FRMD4B: variants seen among roughly 807,000 people sequenced by gnomAD.
FRMD4B encodes the protein FERM domain-containing protein 4B.
A neutral mutation model predicts 141.5 loss-of-function variants in FRMD4B; 74 were observed. The ratio of observed to expected loss-of-function variants is 0.52; its 90% CI spans 0.43 to 0.63. The LOEUF is 0.63. Among genes scored for constraint, FRMD4B ranks in the 30% least tolerant of loss-of-function variants. FRMD4B has a pLI of 0.00. For missense variants in FRMD4B, 1,366 were observed against 1,253.4 expected (o/e 1.09, Z -1.36); for synonymous variants, 506 against 467.9 (o/e 1.08, Z -1.05).
At chr3:69,433,683 C>A (rs1439824634) in intron 1 of FRMD4B, among the ~76,000 whole-genome samples, 2 of 152,206 alleles carry the variant, frequency 1.3e-5, no homozygotes, top group African/African-American at 4.8e-5. Context: ...ACTCCATATT[C>A]AAGGAGCTTA....
At chr3:69,290,781 C>T (rs2107092881) in intron 4 of FRMD4B, among the ~76,000 whole-genome samples, 1 of 152,176 alleles carries the variant, frequency 6.6e-6, no homozygotes, top group African/African-American at 2.4e-5. Context: ...CAGACGCAGA[C>T]TCTGAGTTTT....
At chr3:69,413,523 C>T (rs977778220) in intron 2 of FRMD4B, among the ~76,000 whole-genome samples, 3 of 152,234 alleles carry the variant, frequency 2.0e-5, no homozygotes, top group Admixed American at 1.3e-4. Context: ...TAGTGCCTCT[C>T]TCAGAACGGT....
At chr3:69,408,848 G>C (rs528348151) in intron 2 of FRMD4B, among the ~76,000 whole-genome samples, 1 of 152,196 alleles carries the variant, frequency 6.6e-6, no homozygotes, top group East Asian at 1.9e-4. Context: ...TTGCACCTGG[G>C]GACCACTGCT....
chr3:69,398,751 A>T (rs1704511894), intron 2 of FRMD4B, among the ~76,000 whole-genome samples: 2 of 152,144 alleles, frequency 1.3e-5, no homozygotes, highest in South Asian at 4.1e-4. Context: ...TGGCTTTGAG[A>T]AAAAGAGTCC....
intron 7 of FRMD4B, 58 bp downstream of exon 7, chr3:69,249,168 C>T: frequency 9.4e-7 from 1 of 1,064,004 alleles, no homozygotes. Context: ...AAAATAACCA[C>T]ATAAAATGAT....
chr3:69,391,470 T>G (rs1268780150), intron 2 of FRMD4B, among the ~76,000 whole-genome samples: 1 of 140,888 alleles, frequency 7.1e-6, no homozygotes, highest in Non-Finnish European at 1.5e-5. Flanking sequence ...CACTGTTCAA[T>G]TCCCACCTAT....
intron 1 of FRMD4B, among the ~76,000 whole-genome samples, chr3:69,540,492 T>A (rs969129737): frequency 2.0e-5 from 3 of 149,182 alleles, no homozygotes; most frequent in African/African-American, 7.4e-5. Context: ...CATGCGCCTG[T>A]AATCCCAGCT....
chr3:69,350,563 T>G (rs1028475949), intron 1 of FRMD4B, among the ~76,000 whole-genome samples: 2 of 152,086 alleles, frequency 1.3e-5, no homozygotes, highest in African/African-American at 4.8e-5. Flanking sequence ...AGCAAAGACT[T>G]GGAACCAATC....
chr3:69,340,166 T>C (rs1484849885), intron 1 of FRMD4B, among the ~76,000 whole-genome samples: 2 of 151,896 alleles, frequency 1.3e-5, no homozygotes, highest in African/African-American at 4.8e-5. Context: ...TTCTTTTCTT[T>C]TTTTTTAAAC....
intron 2 of FRMD4B, among the ~76,000 whole-genome samples, chr3:69,419,458 T>A (rs1704931780): frequency 6.6e-6 from 1 of 152,104 alleles, no homozygotes; most frequent in South Asian, 2.1e-4. Flanking sequence ...GAGCAACCCG[T>A]TGTGGAAAGT....
At chr3:69,526,152 G>C (rs1498840) in intron 1 of FRMD4B, among the ~76,000 whole-genome samples, 9,001 of 152,016 alleles carry the variant, frequency 0.059, 315 homozygotes, top group Non-Finnish European at 0.073. Flanking sequence ...CAAATTATTA[G>C]AACACTCCAC....
chr3:69,328,015 T>C (rs977981805), intron 1 of FRMD4B, among the ~76,000 whole-genome samples: 1 of 151,800 alleles, frequency 6.6e-6, no homozygotes, highest in Non-Finnish European at 1.5e-5. Flanking sequence ...CAGGAGAACA[T>C]AGAAATATGA....
intron 2 of FRMD4B, among the ~76,000 whole-genome samples, chr3:69,400,681 T>C (rs1704549367): frequency 6.6e-6 from 1 of 152,202 alleles, no homozygotes. Flanking sequence ...GTGACCTACC[T>C]TACTCTTAAT....
intron 1 of FRMD4B, among the ~76,000 whole-genome samples, chr3:69,472,952 T>G (rs9835282): frequency 0.022 from 3,214 of 148,370 alleles, 133 homozygotes; most frequent in African/African-American, 0.077. Flanking sequence ...TTTTTTTTTT[T>G]TGGCTTAGGG....
At chr3:69,242,390 C>T (rs971090013) in intron 7 of FRMD4B, among the ~76,000 whole-genome samples, 13 of 149,598 alleles carry the variant, frequency 8.7e-5, no homozygotes, top group Admixed American at 6.7e-5. Context: ...AACTAAGGGG[C>T]AAATTTCTTG....
chr3:69,493,705 C>A (rs1706340019), intron 1 of FRMD4B, among the ~76,000 whole-genome samples: 2 of 151,810 alleles, frequency 1.3e-5, no homozygotes, highest in Non-Finnish European at 2.9e-5. Context: ...CTCTCTCCAT[C>A]TCTCTCTCGA....
chr3:69,179,374 T>C (rs1003344460), intron 21 of FRMD4B, among the ~76,000 whole-genome samples: 3 of 152,204 alleles, frequency 2.0e-5, no homozygotes, highest in African/African-American at 7.2e-5. Context: ...TCCCTTGTAG[T>C]ACTCTGTCTG....
chr3:69,453,694 C>T (rs1168143564), intron 1 of FRMD4B, among the ~76,000 whole-genome samples: 1 of 152,148 alleles, frequency 6.6e-6, no homozygotes, highest in Non-Finnish European at 1.5e-5. Flanking sequence ...GGGTGCATGG[C>T]ATTTGGCAGA....
chr3:69,328,832 C>T (rs1702266317), intron 1 of FRMD4B, among the ~76,000 whole-genome samples: 1 of 152,146 alleles, frequency 6.6e-6, no homozygotes, highest in African/African-American at 2.4e-5. Context: ...CTGGGAACTG[C>T]CTGCCTGTTT....
Sources: allele counts gnomAD v4.1 joint callset (sites outside exome capture counted in the v4.1 genomes callset), GRCh38; gene constraint gnomAD v4.1.1; transcripts MANE v1.5; gene names NCBI Gene and HGNC (gene_info 2026-07-23, HGNC 2026-07-21).